Variants in ACSF3 observed in about 807,000 individuals in gnomAD.
The protein encoded by ACSF3 is acyl-CoA synthetase family member 3.
Under a neutral mutation model 53.2 loss-of-function variants are expected in ACSF3, and 78 were observed. That is an observed-to-expected ratio of 1.47 (90% confidence interval 1.22 to 1.77). ACSF3 has a LOEUF of 1.77. Ranked by LOEUF, ACSF3 falls within the 40% of genes most tolerant of loss-of-function variation. ACSF3 has a pLI of 0.00. For synonymous variants in ACSF3, 414 were observed against 333.1 expected, an observed-to-expected ratio of 1.24 and a Z score of -2.65; for missense variants, 937 against 771.1, an observed-to-expected ratio of 1.22 and a Z score of -2.55.
chr16:89,102,508 A>T, intron 3 of ACSF3, 96 bp from the exon 4 acceptor site: 1 of 1,423,986 alleles, frequency 7.0e-7, no homozygotes, highest in Non-Finnish European at 9.8e-7. Flanking sequence ...CTCAGTGGGG[A>T]GGCCCAGAGC....
chr16:89,104,557 G>A (rs1454373054), intron 4 of ACSF3, among the ~76,000 whole-genome samples: 1 of 152,232 alleles, frequency 6.6e-6, no homozygotes, highest in African/African-American at 2.4e-5. Context: ...CTAGTCAGGT[G>A]TGAATTTCGC....
chr16:89,155,641 G>C lies in ACSF3; in HGVS notation c.*1434G>C, dbSNP rs1318724651. The C allele has an allele frequency of 2.2e-6, 1 of 454,138 alleles. No homozygotes were observed. Among genetic ancestry groups the C allele is most frequent in the Non-Finnish European group, 4.4e-6 (1 of 226,784 alleles). The allele number at this position is 454,138 out of a possible 1,614,324, so 28.1% of individuals were successfully genotyped here. On this transcript the variant is annotated 3_prime_UTR_variant, in exon 11 of 11. Transcript: ENST00000614302. The stretch of plus-strand genomic sequence containing the variant: ...TCCCGCCAGAGGCCTGGACCCAAGG[G>C]AACGGCAGTCAGAGACTACAGTCCA...
chr16:89,115,046 C>G (rs575960290), intron 6 of ACSF3: 114 of 228,294 alleles, frequency 5.0e-4, no homozygotes, highest in African/African-American at 2.5e-3. Flanking sequence ...CATTTGAGCC[C>G]TGGGTCCTCC....
At chr16:89,140,930 C>T (rs1911630658) in intron 8 of ACSF3, 1 of 498,764 alleles carries the variant, frequency 2.0e-6, no homozygotes, top group Non-Finnish European at 3.2e-6. Flanking sequence ...GAAGAAAACT[C>T]CTTTAATGAA....
At chr16:89,126,154 A>G (rs1220558366) in intron 7 of ACSF3, among the ~76,000 whole-genome samples, 7 of 152,214 alleles carry the variant, frequency 4.6e-5, no homozygotes. Context: ...TAGATGCTGT[A>G]CTTGTGTTAA....
chr16:89,112,794 C>G (rs775085068), intron 5 of ACSF3, among the ~76,000 whole-genome samples: 5 of 152,242 alleles, frequency 3.3e-5, no homozygotes, highest in Admixed American at 6.5e-5. Context: ...GTGAGCTGAC[C>G]CGCTTGCTCC....
At chr16:89,122,226 G>A (rs1648494766) in intron 7 of ACSF3, 1 of 161,324 alleles carries the variant, frequency 6.2e-6, no homozygotes, top group Non-Finnish European at 1.4e-5. Flanking sequence ...CGCACCTTGT[G>A]TGGAGGGCCG....
At chr16:89,130,583 C>G (rs887346102) in intron 7 of ACSF3, among the ~76,000 whole-genome samples, 1 of 152,030 alleles carries the variant, frequency 6.6e-6, no homozygotes, top group African/African-American at 2.4e-5. Flanking sequence ...CAAAAAAATA[C>G]TACTAATAAT....
chr16:89,119,826 G>T (rs1177723687), intron 6 of ACSF3, among the ~76,000 whole-genome samples: 2 of 152,218 alleles, frequency 1.3e-5, no homozygotes, highest in Admixed American at 6.5e-5. Context: ...CCAAGCGTCT[G>T]GAGGCCGGGA....
At chr16:89,096,188 G>A (rs895429236) in intron 1 of ACSF3, among the ~76,000 whole-genome samples, 5 of 152,006 alleles carry the variant, frequency 3.3e-5, no homozygotes, top group Non-Finnish European at 5.9e-5. Context: ...TGGTGACGCC[G>A]CTGACCTCGG....
chr16:89,128,898 GCAGGAGAATCACTGCC>G (rs1284051220), intron 7 of ACSF3, among the ~76,000 whole-genome samples: 1 of 152,144 alleles, frequency 6.6e-6, no homozygotes. Flanking sequence ...GGAGGCCAAG[GCAGGAGAATCACTGCC>G]CAGGAGTTTG....
chr16:89,148,656 A>G (rs1231330342), intron 10 of ACSF3: 1 of 152,274 alleles, frequency 6.6e-6, no homozygotes, highest in East Asian at 1.9e-4. Flanking sequence ...TGCAGTAGCC[A>G]GGGCCCCACT....
At chr16:89,113,934 G>A (rs970750952) in intron 5 of ACSF3, 27 of 332,706 alleles carry the variant, frequency 8.1e-5, no homozygotes, top group South Asian at 4.0e-4. Context: ...GTGCCTGGCC[G>A]CAGCCTGCAG....
Position 89,155,768 on chromosome 16 carries a change from A to T in ACSF3, c.*1561A>T, listed in dbSNP as rs1180762522. The T allele has an allele frequency of 6.7e-6, 3 of 448,594 alleles. No individual in the cohort carries two copies. Among genetic ancestry groups the T allele is most frequent in the East Asian group, 1.6e-4 (2 of 12,366 alleles). The allele number at this position is 448,594 out of a possible 1,614,324, so 27.8% of individuals were successfully genotyped here. On this transcript the variant is annotated 3_prime_UTR_variant, in exon 11 of 11. Transcript: ENST00000614302. ...ATTTTTACTTAATTCCACTAATTTT[A>T]CATTTGCATCTCTCTCCTTTAATCC... is the stretch of plus-strand genomic sequence containing the variant.
chr16:89,125,300 G>A (rs1461876862), intron 7 of ACSF3, among the ~76,000 whole-genome samples: 1 of 148,572 alleles, frequency 6.7e-6, no homozygotes, highest in African/African-American at 2.5e-5. Flanking sequence ...CCGAGATCAC[G>A]CCACTGCACT....
At chr16:89,115,853 G>C (rs1905043702) in intron 6 of ACSF3, among the ~76,000 whole-genome samples, 2 of 152,196 alleles carry the variant, frequency 1.3e-5, no homozygotes, top group South Asian at 4.1e-4. Flanking sequence ...TGGGGCCTTT[G>C]TTTTCTTGAG....
At chr16:89,102,360 A>G (rs1258598448) in intron 3 of ACSF3, 8 of 565,384 alleles carry the variant, frequency 1.4e-5, no homozygotes, top group Admixed American at 2.9e-5. Flanking sequence ...TAAATTCCCT[A>G]AAGCCTCTGG....
In ACSF3 at chr16:89,100,808, A is replaced by C. The variant is rs1296434936; in HGVS notation, c.127A>C (p.Ser43Arg). ...HTAPVARSDR[S>R]APVFTRALAF... ...AGCCCCAGTGGCCCGCTCGGACAGG[A>C]GCGCCCCGGTGTTCACCCGTGCCCT... Residue 43 changes from serine to arginine, a missense_variant, in exon 3 of 11, where the codon AGC (serine) becomes CGC (arginine). Physicochemically the swap from Ser to Arg is moderately radical, Grantham distance 110. Transcript: ENST00000614302. 2 of 1,612,792 alleles carry C rather than the reference A, an allele frequency of 1.2e-6. No homozygotes were observed. Among genetic ancestry groups the C allele is most frequent in the Admixed American group, 1.7e-5 (1 of 60,030 alleles).
chr16:89,100,517 C>T, intron 2 of ACSF3, 145 bp from the exon 3 acceptor site: 4 of 771,170 alleles, frequency 5.2e-6, no homozygotes, highest in Admixed American at 2.8e-5. Context: ...AAAGGCTGGA[C>T]GTGGCCTGTC....
Sources: allele counts gnomAD v4.1 joint callset (sites outside exome capture counted in the v4.1 genomes callset), GRCh38; gene constraint gnomAD v4.1.1; transcripts MANE v1.5; gene names NCBI Gene and HGNC (gene_info 2026-07-23, HGNC 2026-07-21).